Variants in GRIP1 observed in about 807,000 individuals in gnomAD.
GRIP1 encodes the protein glutamate receptor interacting protein 1.
In GRIP1, 45 loss-of-function variants were observed where a neutral mutation model predicts 129.9. The observed-to-expected ratio is 0.35, with a 90% CI of 0.27 to 0.44. The LOEUF is 0.44. Ranked by LOEUF, GRIP1 falls within the 20% of genes least tolerant of loss-of-function variation. The probability of loss-of-function intolerance (pLI) is 1.00; values close to 1 mark genes in which losing one functional copy is unlikely to be tolerated. For synonymous variants in GRIP1, 530 were observed against 520.8 expected, an observed-to-expected ratio of 1.02 and a Z score of -0.24; for missense variants, 1,196 against 1,396.8, an observed-to-expected ratio of 0.86 and a Z score of 2.29.
intron 1 of GRIP1, among the ~76,000 whole-genome samples, chr12:66,866,454 G>C (rs1469199208): frequency 6.6e-6 from 1 of 152,142 alleles, no homozygotes; most frequent in Admixed American, 6.6e-5. Context: ...GGGTGGGTGA[G>C]AGGGTCAATT....
At chr12:66,844,461 C>T (rs2039777717) in intron 1 of GRIP1, among the ~76,000 whole-genome samples, 1 of 152,066 alleles carries the variant, frequency 6.6e-6, no homozygotes, top group African/African-American at 2.4e-5. Flanking sequence ...CAGAAAATAA[C>T]AAGTGTTGCT....
intron 1 of GRIP1, among the ~76,000 whole-genome samples, chr12:66,994,487 T>A (rs757117877): frequency 1.3e-5 from 2 of 150,780 alleles, no homozygotes; most frequent in African/African-American, 2.4e-5. Context: ...GAAGAATTTC[T>A]CAACCTAATA....
intron 1 of GRIP1, among the ~76,000 whole-genome samples, chr12:66,785,329 TACATAC>T (rs1566020976): frequency 1.0e-4 from 6 of 58,784 alleles, no homozygotes; most frequent in Admixed American, 2.4e-4. Context: ...CATACATACA[TACATAC>T]ATACATACAT....
chr12:66,729,751 T>C (rs1297712022), intron 1 of GRIP1, among the ~76,000 whole-genome samples: 3 of 152,026 alleles, frequency 2.0e-5, no homozygotes, highest in Admixed American at 6.5e-5. Flanking sequence ...TTTTTTGTAT[T>C]TTTTAGTAGA....
At chr12:66,765,469 T>C (rs534893032) in intron 1 of GRIP1, among the ~76,000 whole-genome samples, 26 of 152,314 alleles carry the variant, frequency 1.7e-4, no homozygotes, top group African/African-American at 6.0e-4. Context: ...ACAGGAAATG[T>C]CATAGTTTTT....
At chr12:66,822,024 A>G (rs200391959) in intron 1 of GRIP1, among the ~76,000 whole-genome samples, 20 of 111,270 alleles carry the variant, frequency 1.8e-4, no homozygotes, top group East Asian at 1.3e-3. Context: ...GTGTGTGTGT[A>G]TGTGTATGTG....
chr12:67,065,196 G>T (rs1049828134), intron 1 of GRIP1: 19 of 145,186 alleles, frequency 1.3e-4, no homozygotes, highest in African/African-American at 4.3e-4. Flanking sequence ...AAACTAGCCA[G>T]CCATGGTGGT....
intron 1 of GRIP1, among the ~76,000 whole-genome samples, chr12:66,610,162 T>C (rs1211724843): frequency 6.6e-6 from 1 of 152,120 alleles, no homozygotes; most frequent in Non-Finnish European, 1.5e-5. Context: ...AGTTTCTATA[T>C]CAGTTGAATA....
chr12:66,363,225 A>ATATATT (rs1363141435), intron 23 of GRIP1, among the ~76,000 whole-genome samples: 1 of 133,840 alleles, frequency 7.5e-6, no homozygotes, highest in Non-Finnish European at 1.6e-5. Flanking sequence ...ATATATATAT[A>ATATATT]TATAAAGTTT....
intron 1 of GRIP1, among the ~76,000 whole-genome samples, chr12:67,034,583 T>C (rs947421997): frequency 2.0e-5 from 3 of 152,210 alleles, no homozygotes; most frequent in Admixed American, 2.0e-4. Context: ...GCACTTGCCA[T>C]GAATGGTGCT....
At chr12:66,743,162 A>C (rs768879799) in intron 1 of GRIP1, among the ~76,000 whole-genome samples, 1 of 152,188 alleles carries the variant, frequency 6.6e-6, no homozygotes, top group Non-Finnish European at 1.5e-5. Flanking sequence ...CATCTACCCC[A>C]GGGATTAGAT....
chr12:66,885,813 A>G (rs529389487), intron 1 of GRIP1, among the ~76,000 whole-genome samples: 1 of 152,340 alleles, frequency 6.6e-6, no homozygotes, highest in East Asian at 1.9e-4. Flanking sequence ...AGAGTGAGTC[A>G]GCCTGGAACT....
chr12:66,683,018 C>A (rs973696969), upstream of GRIP1, among the ~76,000 whole-genome samples: 1 of 152,042 alleles, frequency 6.6e-6, no homozygotes, highest in Non-Finnish European at 1.5e-5. Context: ...AACATCCTGA[C>A]TTGGCTAGTA....
intron 1 of GRIP1, among the ~76,000 whole-genome samples, chr12:66,871,972 TG>T (rs1394034523): frequency 1.3e-5 from 2 of 152,098 alleles, no homozygotes; most frequent in African/African-American, 4.8e-5. Flanking sequence ...GACTTCTGTT[TG>T]TCTTCTTTTA....
In GRIP1 at chr12:66,569,572, A is replaced by C. The variant is rs111568550; in HGVS notation, c.136+27275T>G. On this transcript the variant is annotated intron_variant, in intron 2 of 24. Coordinates refer to ENST00000359742, the MANE Select transcript of GRIP1 (RefSeq NM_001366722.1). ...GGAGGTGACAAGGAAGGAGGCAAGG[A>C]AAGTGTGACATCTGAGCCCATAGCC... 4.2e-3 allele frequency among the ~76,000 whole-genome samples: 640 copies of C among 152,304 alleles called. 6 individuals are homozygous for C. Among genetic ancestry groups the C allele is most frequent in the African/African-American group, 0.015 (609 of 41,580 alleles).
chr12:66,973,919 C>CTTTTTTT (rs535699240), intron 1 of GRIP1, among the ~76,000 whole-genome samples: 24 of 121,322 alleles, frequency 2.0e-4, no homozygotes, highest in Non-Finnish European at 3.2e-4. Context: ...CTTTTCTTTT[C>CTTTTTTT]TTTTTTTTTT....
At chr12:66,422,755 C>G (rs1228472541) in intron 14 of GRIP1, among the ~76,000 whole-genome samples, 1 of 152,162 alleles carries the variant, frequency 6.6e-6, no homozygotes, top group African/African-American at 2.4e-5. Flanking sequence ...TCATGGTCTA[C>G]AGACATGTAT....
At chr12:67,042,301 T>C (rs748879896) in intron 1 of GRIP1, among the ~76,000 whole-genome samples, 2 of 152,204 alleles carry the variant, frequency 1.3e-5, no homozygotes, top group Non-Finnish European at 2.9e-5. Flanking sequence ...AATTGCCTAC[T>C]GATTTTGTGG....
chr12:66,410,625 G>A (rs2057367962), intron 15 of GRIP1, among the ~76,000 whole-genome samples: 1 of 150,640 alleles, frequency 6.6e-6, no homozygotes, highest in Non-Finnish European at 1.5e-5. Flanking sequence ...CTGGGCATCA[G>A]AGTGAGACTC....
Sources: allele counts gnomAD v4.1 joint callset (sites outside exome capture counted in the v4.1 genomes callset), GRCh38; gene constraint gnomAD v4.1.1; transcripts MANE v1.5; gene names NCBI Gene and HGNC (gene_info 2026-07-23, HGNC 2026-07-21).